THEMIS: variants seen among roughly 807,000 people sequenced by gnomAD.
THEMIS encodes the protein protein THEMIS.
THEMIS carries 37 observed loss-of-function variants against 52.6 expected under a neutral mutation model. The observed-to-expected ratio is 0.70, with a 90% CI of 0.54 to 0.93. The LOEUF is 0.93. THEMIS is among the 40% of genes least tolerant of loss of function. THEMIS has a pLI of 0.00. For missense variants in THEMIS, 808 were observed against 763.1 expected (o/e 1.06, Z -0.69); for synonymous variants, 292 against 272.7 (o/e 1.07, Z -0.70).
intron 4 of THEMIS, among the ~76,000 whole-genome samples, chr6:127,772,026 C>A (rs1286120577): frequency 2.0e-5 from 3 of 151,990 alleles, no homozygotes; most frequent in African/African-American, 4.8e-5. Flanking sequence ...TCTTGGGCAC[C>A]TTTATTTCAG....
intron 2 of THEMIS, among the ~76,000 whole-genome samples, chr6:127,846,248 C>G (rs371004730): frequency 3.3e-5 from 5 of 151,962 alleles, no homozygotes; most frequent in Admixed American, 2.0e-4. Context: ...AAAAAGGAAA[C>G]AATTTGATTA....
chr6:127,792,719 G>C (rs946770250), intron 4 of THEMIS, among the ~76,000 whole-genome samples: 5 of 152,144 alleles, frequency 3.3e-5, no homozygotes, highest in African/African-American at 1.2e-4. Context: ...TCGAGATTTA[G>C]TTTTCATAAT....
chr6:127,856,715 T>C (rs1779630254), intron 1 of THEMIS, among the ~76,000 whole-genome samples: 1 of 152,044 alleles, frequency 6.6e-6, no homozygotes, highest in Non-Finnish European at 1.5e-5. Flanking sequence ...TGTCTCATAC[T>C]ATTCCCTTAA....
intron 1 of THEMIS, among the ~76,000 whole-genome samples, chr6:127,892,733 AC>A (rs1186344698): frequency 6.6e-6 from 1 of 152,160 alleles, no homozygotes; most frequent in Non-Finnish European, 1.5e-5. Context: ...GATAAATATT[AC>A]CCAGTTGCAA....
At chr6:127,843,143 A>C (rs1331714966) in intron 2 of THEMIS, among the ~76,000 whole-genome samples, 1 of 152,050 alleles carries the variant, frequency 6.6e-6, no homozygotes, top group East Asian at 1.9e-4. Context: ...TCTAACATTC[A>C]TCTAAAAATT....
chr6:127,716,711 T>C (rs1302346335), intron 5 of THEMIS, among the ~76,000 whole-genome samples: 1 of 151,892 alleles, frequency 6.6e-6, no homozygotes, highest in African/African-American at 2.4e-5. Flanking sequence ...ATGCAACAAA[T>C]AGTTCAATGA....
At chr6:127,861,577 A>C (rs945385429) in intron 1 of THEMIS, among the ~76,000 whole-genome samples, 1 of 152,020 alleles carries the variant, frequency 6.6e-6, no homozygotes, top group Non-Finnish European at 1.5e-5. Flanking sequence ...TGAGTTTAGG[A>C]GTTCAAGACC....
intron 4 of THEMIS, among the ~76,000 whole-genome samples, chr6:127,757,962 T>C (rs184560183): frequency 4.9e-4 from 75 of 151,942 alleles, no homozygotes; most frequent in African/African-American, 1.7e-3. Flanking sequence ...TAAATATAGA[T>C]AGATAAATTA....
intron 4 of THEMIS, among the ~76,000 whole-genome samples, chr6:127,723,078 C>T (rs941366820): frequency 6.6e-6 from 1 of 151,950 alleles, no homozygotes; most frequent in African/African-American, 2.4e-5. Flanking sequence ...TTATTCTCTC[C>T]ACTCCAGCCA....
intron 4 of THEMIS, among the ~76,000 whole-genome samples, chr6:127,748,375 G>A (rs746168269): frequency 1.6e-4 from 25 of 152,006 alleles, no homozygotes; most frequent in Non-Finnish European, 1.8e-4. Flanking sequence ...AAGTGGGCAC[G>A]TGTGAAAAGG....
At chr6:127,734,868 CAAAAAAAAAAAAAA>C (rs1197660495) in intron 4 of THEMIS, among the ~76,000 whole-genome samples, 2 of 32,950 alleles carry the variant, frequency 6.1e-5, no homozygotes, top group Non-Finnish European at 9.7e-5. Context: ...GGCTCTGTCT[CAAAAAAAAAAAAAA>C]AAAAAAAAAA....
Position 127,813,284 on chromosome 6 carries a change from A to G in THEMIS, c.1357T>C (p.Phe453Leu), listed in dbSNP as rs955451827. 3 of 1,614,036 alleles carry G rather than the reference A, an allele frequency of 1.9e-6. No individual in the cohort carries two copies. The highest frequency in any genetic ancestry group is 2.5e-6 in the Non-Finnish European group (3 of 1,180,024). ...ACCTTCACATTGAAGGGCAAACGGA[A>G]CTGTTTACAGAGCTCAGAAATCGGG... ...QYPISELCKQ[F>L]RLPFNVKVSV... Residue 453 changes from phenylalanine to leucine, a missense_variant, in exon 4 of 6, where the codon TTC (phenylalanine) becomes CTC (leucine). Coordinates refer to ENST00000368248, the MANE Select transcript of THEMIS (RefSeq NM_001010923.3).
chr6:127,794,454 A>G (rs978325238), intron 4 of THEMIS, among the ~76,000 whole-genome samples: 4 of 152,142 alleles, frequency 2.6e-5, no homozygotes, highest in African/African-American at 9.7e-5. Context: ...ATCTCCTTTT[A>G]TCAGTTTCAG....
chr6:127,791,836 C>T (rs1371836951), intron 4 of THEMIS, among the ~76,000 whole-genome samples: 1 of 152,200 alleles, frequency 6.6e-6, no homozygotes, highest in African/African-American at 2.4e-5. Flanking sequence ...AGCGTGCACA[C>T]ACCCAGCCGA....
At chr6:127,831,049 G>A (rs1778684749) in intron 2 of THEMIS, among the ~76,000 whole-genome samples, 2 of 152,080 alleles carry the variant, frequency 1.3e-5, no homozygotes, top group Non-Finnish European at 2.9e-5. Context: ...AGTTGTTCTG[G>A]ACTGACTGCT....
At chr6:127,718,193 T>A (rs1203896713) in intron 5 of THEMIS, among the ~76,000 whole-genome samples, 1 of 151,954 alleles carries the variant, frequency 6.6e-6, no homozygotes, top group African/African-American at 2.4e-5. Flanking sequence ...ATTATTGCAT[T>A]TACAAATGGG....
At chr6:127,768,006 T>C (rs1279442689) in intron 4 of THEMIS, among the ~76,000 whole-genome samples, 1 of 152,200 alleles carries the variant, frequency 6.6e-6, no homozygotes, top group Non-Finnish European at 1.5e-5. Context: ...GTGGGTCTGA[T>C]ACAGTCTTTC....
At chr6:127,739,998 A>G (rs935421437) in intron 4 of THEMIS, among the ~76,000 whole-genome samples, 1 of 152,094 alleles carries the variant, frequency 6.6e-6, no homozygotes, top group Non-Finnish European at 1.5e-5. Context: ...TGCCCATGTC[A>G]ATTTTCTCCA....
intron 4 of THEMIS, among the ~76,000 whole-genome samples, chr6:127,798,850 G>C (rs1256335720): frequency 6.6e-6 from 1 of 151,754 alleles, no homozygotes; most frequent in Non-Finnish European, 1.5e-5. Context: ...AAATTAGCTG[G>C]GCGTGGTGGC....
Sources: gnomAD v4.1 joint callset for allele counts (sites outside exome capture counted in the v4.1 genomes callset) on GRCh38, gnomAD v4.1.1 for gene constraint, MANE v1.5 for transcripts, NCBI Gene and HGNC (gene_info 2026-07-23, HGNC 2026-07-21) for gene names.